Variants in CTNNA2 observed in about 807,000 individuals in gnomAD.
The protein encoded by CTNNA2 is catenin alpha-2.
Under a neutral mutation model 101.0 loss-of-function variants are expected in CTNNA2, and 42 were observed. That is an observed-to-expected ratio of 0.42 (90% confidence interval 0.32 to 0.54). CTNNA2 has a LOEUF of 0.54. CTNNA2 is among the 20% of genes least tolerant of loss of function. The probability of loss-of-function intolerance (pLI) is 0.14; values close to 1 mark genes in which losing one functional copy is unlikely to be tolerated. For synonymous variants in CTNNA2, 450 were observed against 456.4 expected, an observed-to-expected ratio of 0.99 and a Z score of 0.18; for missense variants, 871 against 1,223.1, an observed-to-expected ratio of 0.71 and a Z score of 4.29.
At chr2:80,393,622 C>A (rs1456036930) in intron 8 of CTNNA2, among the ~76,000 whole-genome samples, 2 of 152,148 alleles carry the variant, frequency 1.3e-5, no homozygotes, top group Admixed American at 6.5e-5. Flanking sequence ...CTGATCTTTG[C>A]TGGTTCTTAC....
intron 4 of CTNNA2, among the ~76,000 whole-genome samples, chr2:79,441,873 C>T (rs1024768764): frequency 1.3e-4 from 20 of 152,158 alleles, no homozygotes; most frequent in African/African-American, 4.3e-4. Context: ...CTTTCTGTTT[C>T]TAGAACAAGT....
intron 12 of CTNNA2, among the ~76,000 whole-genome samples, chr2:80,562,560 AT>A (rs1693702471): frequency 6.6e-6 from 1 of 152,212 alleles, no homozygotes. Context: ...AACAGAACAT[AT>A]TTAACATTTG....
At chr2:80,025,091 G>A (rs1484469) in intron 7 of CTNNA2, among the ~76,000 whole-genome samples, 7 of 152,080 alleles carry the variant, frequency 4.6e-5, no homozygotes, top group South Asian at 2.1e-4. Flanking sequence ...GCTTCTCTCC[G>A]ACATCCAGCT....
intron 2 of CTNNA2, among the ~76,000 whole-genome samples, chr2:79,667,878 G>A (rs1306947540): frequency 1.3e-5 from 2 of 152,176 alleles, no homozygotes; most frequent in Non-Finnish European, 2.9e-5. Context: ...AAACTTTAAT[G>A]CATGGTTTGT....
intron 1 of CTNNA2, among the ~76,000 whole-genome samples, chr2:79,544,908 G>T (rs1211459360): frequency 1.3e-5 from 2 of 152,120 alleles, no homozygotes; most frequent in Non-Finnish European, 2.9e-5. Flanking sequence ...CATCTAACTT[G>T]CAGAGAGAGT....
At chr2:80,323,467 T>G (rs1029203598) in intron 7 of CTNNA2, among the ~76,000 whole-genome samples, 10 of 152,054 alleles carry the variant, frequency 6.6e-5, no homozygotes, top group African/African-American at 2.4e-4. Context: ...TGTATTTTCC[T>G]CCCTCCCCCA....
At chr2:80,292,074 T>G (rs534586179) in intron 7 of CTNNA2, among the ~76,000 whole-genome samples, 117 of 152,262 alleles carry the variant, frequency 7.7e-4, no homozygotes, top group African/African-American at 2.7e-3. Flanking sequence ...CAGAAGAAAA[T>G]GGTGACAGCC....
At chr2:80,114,005 G>T (rs1701369320) in intron 7 of CTNNA2, among the ~76,000 whole-genome samples, 1 of 152,148 alleles carries the variant, frequency 6.6e-6, no homozygotes. Flanking sequence ...CAGTGTTTAT[G>T]ACCATTTTAT....
At chr2:79,882,389 TG>T (rs1683503800) in intron 6 of CTNNA2, among the ~76,000 whole-genome samples, 2 of 152,208 alleles carry the variant, frequency 1.3e-5, no homozygotes, top group Non-Finnish European at 2.9e-5. Flanking sequence ...ATCCATTTTC[TG>T]TCCCTGAGTC....
At chr2:80,334,463 T>C (rs1168192848) in intron 7 of CTNNA2, among the ~76,000 whole-genome samples, 1 of 152,208 alleles carries the variant, frequency 6.6e-6, no homozygotes, top group Non-Finnish European at 1.5e-5. Flanking sequence ...ATGTAATTCA[T>C]TTTTCAAAAA....
At chr2:79,955,601 G>T (rs1355167834) in intron 7 of CTNNA2, among the ~76,000 whole-genome samples, 5 of 152,190 alleles carry the variant, frequency 3.3e-5, no homozygotes, top group African/African-American at 1.2e-4. Flanking sequence ...CACTCAGGCT[G>T]CAATGCAATG....
intron 4 of CTNNA2, among the ~76,000 whole-genome samples, chr2:79,464,287 T>A (rs1474506120): frequency 3.3e-5 from 5 of 152,280 alleles, no homozygotes; most frequent in South Asian, 4.2e-4. Context: ...TCCAGCTTTA[T>A]CCATCTCCCC....
intron 4 of CTNNA2, among the ~76,000 whole-genome samples, chr2:79,440,657 C>T (rs545309611): frequency 8.0e-4 from 122 of 152,170 alleles, no homozygotes; most frequent in Non-Finnish European, 1.5e-3. Context: ...CTGAGAGAGA[C>T]ATGCACTTCA....
At chr2:80,022,197 T>C (rs1199067101) in intron 7 of CTNNA2, among the ~76,000 whole-genome samples, 1 of 152,222 alleles carries the variant, frequency 6.6e-6, no homozygotes. Context: ...TACTGATAGG[T>C]ATCTATTCTT....
chr2:80,267,364 GT>G (rs1283106452), intron 7 of CTNNA2, among the ~76,000 whole-genome samples: 5 of 152,326 alleles, frequency 3.3e-5, no homozygotes, highest in African/African-American at 1.2e-4. Flanking sequence ...AAAAGAAAGG[GT>G]TGAGAAAGAG....
chr2:80,119,435 T>C (rs1340104454), intron 7 of CTNNA2, among the ~76,000 whole-genome samples: 1 of 152,196 alleles, frequency 6.6e-6, no homozygotes, highest in Non-Finnish European at 1.5e-5. Context: ...ATGCAAGGAC[T>C]AGATAATGGT....
chr2:79,651,687 A>G (rs1332534937), intron 2 of CTNNA2, 29 bp downstream of exon 2: 9 of 1,570,232 alleles, frequency 5.7e-6, no homozygotes, highest in Non-Finnish European at 7.0e-6. Flanking sequence ...CCACTTTGTT[A>G]TATATGTGTT....
intron 7 of CTNNA2, among the ~76,000 whole-genome samples, chr2:80,160,939 C>T (rs569018765): frequency 5.6e-4 from 85 of 151,920 alleles, no homozygotes; most frequent in African/African-American, 2.0e-3. Context: ...AAAATGTTCC[C>T]CTCTATTCAT....
chr2:80,337,605 GCACACACACAAATA>G (rs1559021360), intron 7 of CTNNA2, among the ~76,000 whole-genome samples: 1 of 151,706 alleles, frequency 6.6e-6, no homozygotes, highest in African/African-American at 2.4e-5. Context: ...GTGTGTGAGT[GCACACACACAAATA>G]CACACACACA....
Sources: gnomAD v4.1 joint callset for allele counts (sites outside exome capture counted in the v4.1 genomes callset) on GRCh38, gnomAD v4.1.1 for gene constraint, MANE v1.5 for transcripts, NCBI Gene and HGNC (gene_info 2026-07-23, HGNC 2026-07-21) for gene names.